MDGA2: variants seen among roughly 807,000 people sequenced by gnomAD.
MDGA2 encodes MAM domain containing glycosylphosphatidylinositol anchor 2.
Under a neutral mutation model 117.8 loss-of-function variants are expected in MDGA2, and 40 were observed. The ratio of observed to expected loss-of-function variants is 0.34; its 90% CI spans 0.26 to 0.44. The LOEUF is 0.44. Ranked by LOEUF, MDGA2 falls within the 20% of genes least tolerant of loss-of-function variation. MDGA2 has a pLI of 1.00. For missense variants in MDGA2, 1,123 were observed against 1,250.6 expected (o/e 0.90, Z 1.54); for synonymous variants, 452 against 439.0 (o/e 1.03, Z -0.37).
rs3985119 is a variant in MDGA2 at position 46,959,251 on chromosome 14, A to ATGTG, written c.1820-1612_1820-1609dup. ...TCTTTTATCTCCAGCAATGCTATAT[A>ATGTG]TGTGTGTGTGTGTGTGTGTGTGTGT... On this transcript the variant is annotated intron_variant, in intron 8 of 16. Coordinates refer to ENST00000399232, the MANE Select transcript of MDGA2 (RefSeq NM_001113498.3). Among the ~76,000 whole-genome samples, 115 of 140,230 alleles carry ATGTG rather than the reference A, an allele frequency of 8.2e-4. 1 individual carries two copies. The East Asian group carries it at 9.8e-3, about 12-fold the overall frequency. 92.0% of individuals were successfully genotyped at this position (140,230 alleles called of 152,430 possible). A position where few individuals can be genotyped will look rare whatever the true frequency, so the allele number is the denominator to read the frequency against.
chr14:47,155,651 C>T (rs1883337676), intron 3 of MDGA2, among the ~76,000 whole-genome samples: 1 of 147,344 alleles, frequency 6.8e-6, no homozygotes, highest in African/African-American at 2.5e-5. Context: ...GCTCAAACAG[C>T]CCTCACCGTT....
At chr14:47,582,426 T>C (rs905109593) in intron 1 of MDGA2, among the ~76,000 whole-genome samples, 1 of 151,930 alleles carries the variant, frequency 6.6e-6, no homozygotes, top group Non-Finnish European at 1.5e-5. Context: ...ACTGAAATTA[T>C]TTTCAGTCCT....
chr14:47,439,253 A>C (rs1393169721), intron 1 of MDGA2, among the ~76,000 whole-genome samples: 1 of 152,154 alleles, frequency 6.6e-6, no homozygotes, highest in African/African-American at 2.4e-5. Flanking sequence ...AAGTCAAATA[A>C]GGAAATGAAC....
intron 1 of MDGA2, among the ~76,000 whole-genome samples, chr14:47,458,930 T>G (rs1177566543): frequency 6.7e-6 from 1 of 150,346 alleles, no homozygotes; most frequent in African/African-American, 2.5e-5. Context: ...TGGCCAGAAA[T>G]TTATCTAGTA....
At chr14:46,915,806 C>G (rs1478041307) in intron 10 of MDGA2, among the ~76,000 whole-genome samples, 1 of 152,106 alleles carries the variant, frequency 6.6e-6, no homozygotes, top group Non-Finnish European at 1.5e-5. Flanking sequence ...AAACCACATC[C>G]AATACACTGG....
chr14:47,387,705 TA>T (rs1891793447), intron 1 of MDGA2, among the ~76,000 whole-genome samples: 4 of 152,210 alleles, frequency 2.6e-5, no homozygotes, highest in Non-Finnish European at 5.9e-5. Context: ...TTAACATATT[TA>T]TACTTTAAAT....
intron 5 of MDGA2, among the ~76,000 whole-genome samples, chr14:47,109,936 C>A (rs1328830584): frequency 6.6e-6 from 1 of 152,034 alleles, no homozygotes; most frequent in Admixed American, 6.6e-5. Flanking sequence ...GACAGCGAGA[C>A]TTTGTTTCAA....
At chr14:47,477,053 T>G (rs989049518) in intron 1 of MDGA2, among the ~76,000 whole-genome samples, 10 of 152,142 alleles carry the variant, frequency 6.6e-5, no homozygotes, top group Admixed American at 3.9e-4. Flanking sequence ...TCCCAGCTAC[T>G]GGGGAGGTTG....
chr14:47,160,536 T>A (rs975056023), intron 3 of MDGA2, among the ~76,000 whole-genome samples: 3 of 152,150 alleles, frequency 2.0e-5, no homozygotes, highest in African/African-American at 7.2e-5. Flanking sequence ...TGGTGCATCC[T>A]GTAATCCTTG....
At chr14:47,656,718 G>A (rs1031690229) in intron 1 of MDGA2, among the ~76,000 whole-genome samples, 2 of 152,104 alleles carry the variant, frequency 1.3e-5, no homozygotes, top group African/African-American at 4.8e-5. Flanking sequence ...GTCCCCCAGA[G>A]AGCATCCACC....
chr14:47,111,209 G>C (rs1202872676), intron 5 of MDGA2, among the ~76,000 whole-genome samples: 1 of 152,038 alleles, frequency 6.6e-6, no homozygotes, highest in African/African-American at 2.4e-5. Context: ...AAACACTTTT[G>C]ATAACCCCTA....
chr14:47,258,586 G>A (rs1887697454), intron 2 of MDGA2, among the ~76,000 whole-genome samples: 1 of 152,008 alleles, frequency 6.6e-6, no homozygotes, highest in African/African-American at 2.4e-5. Flanking sequence ...AATCACATGG[G>A]AAGTGGGAAA....
intron 1 of MDGA2, among the ~76,000 whole-genome samples, chr14:47,477,477 G>C (rs983593374): frequency 6.6e-6 from 1 of 152,094 alleles, no homozygotes; most frequent in Admixed American, 6.6e-5. Context: ...GAGTCCATAC[G>C]CTGATTCTTC....
chr14:46,989,291 C>A (rs912604578), intron 8 of MDGA2, among the ~76,000 whole-genome samples: 1 of 151,802 alleles, frequency 6.6e-6, no homozygotes, highest in African/African-American at 2.4e-5. Flanking sequence ...GGAACTCCCC[C>A]CACACATATC....
intron 1 of MDGA2, among the ~76,000 whole-genome samples, chr14:47,491,842 T>C (rs1048412901): frequency 1.3e-5 from 2 of 152,100 alleles, no homozygotes; most frequent in African/African-American, 4.8e-5. Flanking sequence ...ATTTTCAAAG[T>C]GTCCAATAGT....
At chr14:47,243,250 G>A (rs1032700426) in intron 2 of MDGA2, among the ~76,000 whole-genome samples, 1 of 151,494 alleles carries the variant, frequency 6.6e-6, no homozygotes, top group Admixed American at 6.6e-5. Flanking sequence ...TGGTGGGGAT[G>A]TGGAGAACCT....
intron 5 of MDGA2, among the ~76,000 whole-genome samples, chr14:47,102,642 T>C (rs1880405361): frequency 6.6e-6 from 1 of 152,124 alleles, no homozygotes; most frequent in Non-Finnish European, 1.5e-5. Context: ...TCCCAGCTGC[T>C]AGGAACCCTC....
chr14:47,513,064 T>C (rs774048297), intron 1 of MDGA2, among the ~76,000 whole-genome samples: 1 of 152,102 alleles, frequency 6.6e-6, no homozygotes, highest in Non-Finnish European at 1.5e-5. Flanking sequence ...TATATAGTCA[T>C]TCCATGTCAA....
At chr14:47,520,708 T>C (rs1456839526) in intron 1 of MDGA2, among the ~76,000 whole-genome samples, 2 of 152,156 alleles carry the variant, frequency 1.3e-5, no homozygotes, top group African/African-American at 4.8e-5. Context: ...GTGTTTTAAA[T>C]TAAGCACTTG....
Sources: gnomAD v4.1 joint callset for allele counts (sites outside exome capture counted in the v4.1 genomes callset) on GRCh38, gnomAD v4.1.1 for gene constraint, MANE v1.5 for transcripts, NCBI Gene and HGNC (gene_info 2026-07-23, HGNC 2026-07-21) for gene names.